HOXB9: variants seen among roughly 807,000 people sequenced by gnomAD.
HOXB9 encodes homeobox B9.
In HOXB9, 10 loss-of-function variants were observed where a neutral mutation model predicts 21.5. The ratio of observed to expected loss-of-function variants is 0.47; its 90% CI spans 0.29 to 0.79. HOXB9 has a LOEUF of 0.79. Among genes scored for constraint, HOXB9 ranks in the 30% least tolerant of loss-of-function variants. HOXB9 has a pLI of 0.10. For synonymous variants in HOXB9, 156 were observed against 151.2 expected (o/e 1.03, Z -0.23); for missense variants, 375 against 338.7 (o/e 1.11, Z -0.84).
At chr17:48,625,706 C>T (rs1469662439) in intron 1 of HOXB9, 47 bp downstream of exon 1, 2 of 1,427,540 alleles carry the variant, frequency 1.4e-6, no homozygotes, top group Non-Finnish European at 1.8e-6. Flanking sequence ...CTCCCCGCCC[C>T]CCTCCTGGCC....
rs1186698670 is a variant in HOXB9 at position 48,626,171 on chromosome 17, G to T, written c.99C>A (p.Tyr33Ter). 2 of 1,598,662 alleles carry T rather than the reference G, an allele frequency of 1.3e-6. No homozygotes were observed. The highest frequency in any genetic ancestry group is 1.7e-6 in the Non-Finnish European group (2 of 1,179,278). ...CGTGGCCCGGCTGCCGCGAGCTCGC[G>T]TACTGGCCAGAAGGAAACTTGGCTG... Reference protein sequence around the residue: ...APPAKFPSGQYASSRQPGHAE... With the variant: ...APPAKFPSGQ The change falls in exon 1 of 2, where the codon TAC becomes TAA. Residue 33 changes from tyrosine (Y) to a stop codon, truncating the protein, a stop_gained. Transcript: ENST00000311177. LOFTEE classifies it high-confidence loss of function.
chr17:48,625,707 C>A (rs192619342), intron 1 of HOXB9, 46 bp downstream of exon 1: 365 of 1,428,860 alleles, frequency 2.6e-4, no homozygotes, highest in Admixed American at 1.2e-3. Context: ...TCCCCGCCCC[C>A]CTCCTGGCCT....
chr17:48,622,693 A>G lies in HOXB9; in HGVS notation c.*207T>C. ...TATTTCTATCTTCTAAATCAACAAA[A>G]CTTTCTCCTGACACCTAGAGAGAAG... On this transcript the variant is annotated 3_prime_UTR_variant, in exon 2 of 2. Transcript: ENST00000311177. 1.9e-6 allele frequency: 1 copy of G among 514,310 alleles called. No homozygotes were observed. The highest frequency in any genetic ancestry group is 3.4e-6 in the Non-Finnish European group (1 of 289,964). The allele number at this position is 514,310 out of a possible 1,614,324, so 31.9% of individuals were successfully genotyped here.
Position 48,621,630 on chromosome 17 carries a change from G to C in HOXB9, c.*1270C>G, listed in dbSNP as rs575301692. ...CTGGGGCGGGTCTCCTTTGGCGCTGGGGCTAGAGCCGCCAAGCCCGGGGCT... is the reference window on the plus strand; with the variant it reads ...CTGGGGCGGGTCTCCTTTGGCGCTGCGGCTAGAGCCGCCAAGCCCGGGGCT... On this transcript the variant is annotated 3_prime_UTR_variant, in exon 2 of 2. Coordinates refer to ENST00000311177, the MANE Select transcript of HOXB9 (RefSeq NM_024017.5). 6.6e-6 allele frequency: 1 copy of C among 152,424 alleles called. No homozygotes were observed. Among genetic ancestry groups the C allele is most frequent in the Non-Finnish European group, 1.5e-5 (1 of 68,068 alleles). 9.4% of individuals were successfully genotyped at this position (152,424 alleles called of 1,614,324 possible). A position where few individuals can be genotyped will look rare whatever the true frequency, so the allele number is the denominator to read the frequency against.
In HOXB9 at chr17:48,625,786, C is replaced by T. The variant is rs1400205163; in HGVS notation, c.484G>A (p.Glu162Lys). ...RPGYGDNKIC[E>K]GSEDKERPDQ... ...GGCCTCTCTTTGTCCTCGCTTCCTT[C>T]GCAAATTTTATTGTCCCCGTAGCCG... The change falls in exon 1 of 2, where the codon GAA (glutamate) becomes AAA (lysine). Residue 162 changes from glutamate to lysine, a missense_variant. Coordinates refer to ENST00000311177, the MANE Select transcript of HOXB9 (RefSeq NM_024017.5). 2 of 1,601,332 alleles carry T rather than the reference C, an allele frequency of 1.2e-6. No homozygotes were observed. Among genetic ancestry groups the T allele is most frequent in the Non-Finnish European group, 8.5e-7 (1 of 1,174,998 alleles).
rs1417981743 is a variant in HOXB9, at chr17:48,625,662, C to T, written c.517+91G>A. ...CGCTCTCCGGCCACCGCCGCAGTTTCCCTTCACATTGTCCGCAGTTTATTG... is the reference window on the plus strand; with the variant it reads ...CGCTCTCCGGCCACCGCCGCAGTTTTCCTTCACATTGTCCGCAGTTTATTG... On this transcript the variant is annotated intron_variant, in intron 1 of 1. Coordinates refer to ENST00000311177, the MANE Select transcript of HOXB9 (RefSeq NM_024017.5). The T allele has an allele frequency of 4.3e-6, 6 of 1,393,422 alleles. No individual in the cohort carries two copies. In the South Asian group the frequency reaches 5.1e-5, roughly 12 times the overall value. 86.3% of individuals were successfully genotyped at this position (1,393,422 alleles called of 1,614,324 possible). A position where few individuals can be genotyped will look rare whatever the true frequency, so the allele number is the denominator to read the frequency against.
Position 48,622,585 on chromosome 17 carries a change from T to TCGGTGG in HOXB9, c.*314_*315insCCACCG. On this transcript the variant is annotated 3_prime_UTR_variant, in exon 2 of 2. Transcript: ENST00000311177. The stretch of plus-strand genomic sequence containing the variant: ...CAAGCTGGAAGTGAGGGGCTAGGAC[T>TCGGTGG]TCCCAGAAAAATTACAGGGCATACT... 4.5e-5 allele frequency: 13 copies of TCGGTGG among 290,684 alleles called. No individual in the cohort carries two copies. The highest frequency in any genetic ancestry group is 1.7e-4 in the South Asian group (4 of 22,860). 18.0% of individuals were successfully genotyped at this position (290,684 alleles called of 1,614,324 possible).
intron 1 of HOXB9, among the ~76,000 whole-genome samples, chr17:48,625,266 C>T (rs115739674): frequency 2.6e-3 from 391 of 152,390 alleles, no homozygotes; most frequent in African/African-American, 9.2e-3. Context: ...GCTCCCTCCC[C>T]CTTCCCCTTG....
rs1203984013 is a variant in HOXB9 at position 48,622,934 on chromosome 17, A to G, written c.719T>C (p.Met240Thr). 3.1e-6 allele frequency: 5 copies of G among 1,613,830 alleles called. No individual in the cohort carries two copies. In the African/African-American group the frequency reaches 6.7e-5, roughly 22 times the overall value. The change falls in exon 2 of 2, where the codon ATG becomes ACG. Residue 240 changes from methionine (M) to threonine (T), a missense_variant. Coordinates refer to ENST00000311177, the MANE Select transcript of HOXB9 (RefSeq NM_024017.5). ...KIWFQNRRMK[M>T]KKMNKEQGKE ...GCCCTGCTCCTTATTCATTTTCTTC[A>G]TTTTCATCCGCCGGTTCTGAAACCA...
intron 1 of HOXB9, among the ~76,000 whole-genome samples, chr17:48,624,441 G>A (rs2070795269): frequency 6.6e-6 from 1 of 152,252 alleles, no homozygotes; most frequent in Non-Finnish European, 1.5e-5. Flanking sequence ...GGATCTGTTT[G>A]GGAGTGTGCG....
chr17:48,623,013 G>C lies in HOXB9; in HGVS notation c.640C>G (p.Arg214Gly). 2 of 1,614,110 alleles carry C rather than the reference G, an allele frequency of 1.2e-6. No individual in the cohort carries two copies. Among genetic ancestry groups the C allele is most frequent in the Non-Finnish European group, 1.7e-6 (2 of 1,179,980 alleles). ...AGGAGTCTGGCCACTTCGTGCCTAC[G>C]GTCCCTGGTGAGGTACATATTGAAC... ...FLFNMYLTRD[R>G]RHEVARLLNL... The change falls in exon 2 of 2, where the codon CGT becomes GGT. Residue 214 changes from arginine (R) to glycine (G), a missense_variant. Coordinates refer to ENST00000311177, the MANE Select transcript of HOXB9 (RefSeq NM_024017.5).
At position 48,623,070 on chromosome 17, in the gene HOXB9, A is replaced by T. The variant is rs768590831; in HGVS notation, c.583T>A (p.Tyr195Asn). Residue 195 changes from tyrosine (Y) to asparagine (N), a missense_variant, in exon 2 of 2, where the codon TAC (tyrosine) becomes AAC (asparagine). Transcript: ENST00000311177. Reference protein sequence around the residue: ...SRKKRCPYTKYQTLELEKEFL... With the variant: ...SRKKRCPYTKNQTLELEKEFL... ...TCCTTCTCTAGCTCCAGCGTCTGGT[A>T]TTTGGTGTAGGGACAGCGCTTTTTC... The T allele has an allele frequency of 4.3e-6, 7 of 1,614,210 alleles. No individual in the cohort carries two copies. The highest frequency in any genetic ancestry group is 5.9e-6 in the Non-Finnish European group (7 of 1,180,038).
intron 1 of HOXB9, among the ~76,000 whole-genome samples, chr17:48,625,505 C>T (rs952424504): frequency 1.3e-5 from 2 of 152,230 alleles, no homozygotes; most frequent in African/African-American, 2.4e-5. Context: ...AGTCGATCCC[C>T]GAGCCCCTGT....
Position 48,626,262 on chromosome 17 carries a change from A to G in HOXB9, c.8T>C (p.Ile3Thr), listed in dbSNP as rs2070815981. MS[I>T]SGTLSSYYVD... Reference sequence around the variant, plus strand: ...ATAATAGCTGCTAAGCGTCCCAGAAATGGACATTCTCAGACATTATCCGGG... The same window carrying G: ...ATAATAGCTGCTAAGCGTCCCAGAAGTGGACATTCTCAGACATTATCCGGG... The change falls in exon 1 of 2, where the codon ATT becomes ACT. Residue 3 changes from isoleucine to threonine, a missense_variant. Coordinates refer to ENST00000311177, the MANE Select transcript of HOXB9 (RefSeq NM_024017.5). The G allele has an allele frequency of 1.3e-6, 2 of 1,591,370 alleles. No homozygotes were observed. Among genetic ancestry groups the G allele is most frequent in the African/African-American group, 2.7e-5 (2 of 74,684 alleles).
rs760689274 is a variant in HOXB9 at position 48,626,061 on chromosome 17, G to A, written c.209C>T (p.Ala70Val). 3.8e-6 allele frequency: 6 copies of A among 1,578,280 alleles called. No homozygotes were observed. The highest frequency in any genetic ancestry group is 8.6e-7 in the Non-Finnish European group (1 of 1,169,248). The change falls in exon 1 of 2, where the codon GCG becomes GTG. Residue 70 changes from alanine (A) to valine (V), a missense_variant. Physicochemically the swap from Ala to Val is moderately conservative, Grantham distance 64. Coordinates refer to ENST00000311177, the MANE Select transcript of HOXB9 (RefSeq NM_024017.5). ...GTAGACGGACGGCAGGCTCCCGGACGCGTGCGGGCTCAGCGGCGCCCAGGA... is the reference window on the plus strand; with the variant it reads ...GTAGACGGACGGCAGGCTCCCGGACACGTGCGGGCTCAGCGGCGCCCAGGA... ...GASWAPLSPH[A>V]SGSLPSVYHP... is the part of the protein sequence containing the mutation.
At position 48,622,342 on chromosome 17, in the gene HOXB9, G is replaced by C. The variant is rs1340681034; in HGVS notation, c.*558C>G. On this transcript the variant is annotated 3_prime_UTR_variant, in exon 2 of 2. Transcript: ENST00000311177. ...GGAGTCTGCCTCTAGACATCTCCCTGGTGGGTATTTGCATTAGGGGTAGAA... is the reference window on the plus strand; with the variant it reads ...GGAGTCTGCCTCTAGACATCTCCCTCGTGGGTATTTGCATTAGGGGTAGAA... The C allele has an allele frequency of 1.3e-5, 2 of 153,418 alleles. No homozygotes were observed. Among genetic ancestry groups the C allele is most frequent in the Non-Finnish European group, 2.9e-5 (2 of 68,668 alleles). 9.5% of individuals were successfully genotyped at this position (153,418 alleles called of 1,614,324 possible).
intron 1 of HOXB9, among the ~76,000 whole-genome samples, chr17:48,624,667 G>C (rs976298080): frequency 3.3e-5 from 5 of 152,146 alleles, no homozygotes; most frequent in Non-Finnish European, 1.5e-5. Flanking sequence ...AGTAAGAAAC[G>C]AGGACCTGAT....
chr17:48,625,646 G>T, intron 1 of HOXB9, 107 bp downstream of exon 1: 1 of 1,321,438 alleles, frequency 7.6e-7, no homozygotes, highest in Non-Finnish European at 1.0e-6. Context: ...CCGCTCTCCG[G>T]CCACCGCCGC....
Position 48,625,770 on chromosome 17 carries a change from T to C in HOXB9, c.500A>G (p.Lys167Arg), listed in dbSNP as rs1191577882. 4.4e-6 allele frequency: 7 copies of C among 1,597,212 alleles called. No homozygotes were observed. The South Asian group carries it at 6.8e-5, about 15-fold the overall frequency. ...DNKICEGSED[K>R]ERPDQTNPSA... ...TAACTTACTTTGATCCGGCCTCTCT[T>C]TGTCCTCGCTTCCTTCGCAAATTTT... Residue 167 changes from lysine (K) to arginine (R), a missense_variant, in exon 1 of 2, where the codon AAA becomes AGA. Transcript: ENST00000311177.
Sources: gnomAD v4.1 joint callset for allele counts (sites outside exome capture counted in the v4.1 genomes callset) on GRCh38, gnomAD v4.1.1 for gene constraint, MANE v1.5 for transcripts, NCBI Gene and HGNC (gene_info 2026-07-23, HGNC 2026-07-21) for gene names.